WDR70: variants seen among roughly 807,000 people sequenced by gnomAD.
WDR70 encodes the protein WD repeat domain 70.
In WDR70, 53 loss-of-function variants were observed where a neutral mutation model predicts 88.6. The observed-to-expected ratio is 0.60, with a 90% confidence interval of 0.48 to 0.75. The LOEUF is 0.75. WDR70 is among the 30% of genes least tolerant of loss of function. WDR70 has a pLI of 0.00. For synonymous variants in WDR70, 280 were observed against 270.0 expected, an observed-to-expected ratio of 1.04 and a Z score of -0.36; for missense variants, 610 against 823.2, an observed-to-expected ratio of 0.74 and a Z score of 3.17.
chr5:37,524,443 C>T (rs1741194406), intron 9 of WDR70, among the ~76,000 whole-genome samples: 1 of 152,140 alleles, frequency 6.6e-6, no homozygotes, highest in Admixed American at 6.5e-5. Context: ...GAGATTTTGT[C>T]ACCACCAGGC....
intron 10 of WDR70, among the ~76,000 whole-genome samples, chr5:37,634,882 G>C (rs1744914427): frequency 6.6e-6 from 1 of 152,160 alleles, no homozygotes; most frequent in Non-Finnish European, 1.5e-5. Context: ...TGGATGTGTT[G>C]AGTCACAAAA....
intron 7 of WDR70, among the ~76,000 whole-genome samples, chr5:37,469,815 A>T (rs1366727537): frequency 1.3e-5 from 2 of 152,162 alleles, no homozygotes; most frequent in African/African-American, 4.8e-5. Flanking sequence ...CTAAGTAAAT[A>T]AATAGCCCCT....
chr5:37,431,016 G>A (rs1046437873), intron 5 of WDR70, among the ~76,000 whole-genome samples: 2 of 151,994 alleles, frequency 1.3e-5, no homozygotes, highest in African/African-American at 4.8e-5. Flanking sequence ...ACCATGTCTG[G>A]CTAATTTTTG....
intron 4 of WDR70, among the ~76,000 whole-genome samples, chr5:37,395,185 G>A (rs531030083): frequency 6.6e-6 from 1 of 152,288 alleles, no homozygotes; most frequent in East Asian, 1.9e-4. Flanking sequence ...TCTGGCGGCA[G>A]GTGGAGGGGT....
chr5:37,593,873 G>T (rs186778112), intron 9 of WDR70, among the ~76,000 whole-genome samples: 73 of 152,200 alleles, frequency 4.8e-4, no homozygotes, highest in Non-Finnish European at 9.0e-4. Flanking sequence ...CTCATTGTGG[G>T]TTTGATTTGC....
In WDR70 at chr5:37,509,017, C is replaced by A. The variant is rs546913362; in HGVS notation, c.841-7497C>A. Among the ~76,000 whole-genome samples the A allele has an allele frequency of 5.9e-5, 9 of 152,192 alleles. 1 individual carries two copies. The South Asian group carries it at 1.9e-3, about 32-fold the overall frequency. The stretch of plus-strand genomic sequence containing the variant: ...TCCTTTAAGTTACCAAATTTATGTG[C>A]ATAAGATTATTATAATAGTAATATT... On this transcript the variant is annotated intron_variant, in intron 8 of 17. Coordinates refer to ENST00000265107, the MANE Select transcript of WDR70 (RefSeq NM_018034.4).
At chr5:37,584,098 A>C (rs1363968171) in intron 9 of WDR70, among the ~76,000 whole-genome samples, 2 of 152,210 alleles carry the variant, frequency 1.3e-5, no homozygotes, top group Admixed American at 1.3e-4. Context: ...ATTATTACTT[A>C]ATCCTTTTAT....
intron 7 of WDR70, among the ~76,000 whole-genome samples, chr5:37,471,825 C>T (rs998842653): frequency 9.2e-5 from 14 of 151,858 alleles, no homozygotes; most frequent in African/African-American, 3.4e-4. Flanking sequence ...TTTACAATGT[C>T]AAATTGACTC....
chr5:37,673,585 C>A (rs1180218702), intron 10 of WDR70, among the ~76,000 whole-genome samples: 1 of 93,826 alleles, frequency 1.1e-5, no homozygotes, highest in Admixed American at 1.4e-4. Flanking sequence ...CTTTTCTTAC[C>A]CCCCCCCCAC....
chr5:37,441,607 CAGG>C (rs1014314327), intron 6 of WDR70, among the ~76,000 whole-genome samples: 14 of 152,118 alleles, frequency 9.2e-5, no homozygotes, highest in African/African-American at 3.1e-4. Flanking sequence ...CACCTGAGAT[CAGG>C]AGTTTGAGAC....
chr5:37,692,841 A>G (rs1176740079), intron 10 of WDR70, among the ~76,000 whole-genome samples: 1 of 152,174 alleles, frequency 6.6e-6, no homozygotes, highest in African/African-American at 2.4e-5. Flanking sequence ...CCCCTATTCA[A>G]TATAGTATTG....
chr5:37,410,297 C>T (rs1369959616), intron 5 of WDR70, among the ~76,000 whole-genome samples: 1 of 151,516 alleles, frequency 6.6e-6, no homozygotes, highest in Non-Finnish European at 1.5e-5. Context: ...CCATGGCCTC[C>T]CAAAGTGCTG....
At chr5:37,567,126 G>A (rs930933321) in intron 9 of WDR70, among the ~76,000 whole-genome samples, 5 of 152,138 alleles carry the variant, frequency 3.3e-5, no homozygotes, top group Admixed American at 2.6e-4. Flanking sequence ...ATAAATGAGT[G>A]CTGAAACAGT....
At chr5:37,533,425 C>G (rs868333317) in intron 9 of WDR70, among the ~76,000 whole-genome samples, 1 of 151,868 alleles carries the variant, frequency 6.6e-6, no homozygotes, top group African/African-American at 2.4e-5. Context: ...ATCCCTGTCT[C>G]TACTTAAAAC....
At chr5:37,392,315 C>T (rs1422929284) in intron 4 of WDR70, among the ~76,000 whole-genome samples, 195 bp downstream of exon 4, 3 of 151,888 alleles carry the variant, frequency 2.0e-5, no homozygotes, top group Non-Finnish European at 4.4e-5. Flanking sequence ...TCCCAAGTAG[C>T]TGGCATTACA....
chr5:37,533,878 C>T (rs556733236), intron 9 of WDR70, among the ~76,000 whole-genome samples: 35 of 152,280 alleles, frequency 2.3e-4, no homozygotes, highest in Middle Eastern at 3.4e-3. Context: ...TCACCTGCAT[C>T]GAGTCTATTT....
intron 9 of WDR70, among the ~76,000 whole-genome samples, chr5:37,520,528 T>C (rs574382735): frequency 6.6e-6 from 1 of 152,268 alleles, no homozygotes; most frequent in Admixed American, 6.5e-5. Context: ...TTTAAAGTTA[T>C]GTTTCTTATT....
intron 13 of WDR70, among the ~76,000 whole-genome samples, chr5:37,708,655 C>T (rs1246817588): frequency 6.6e-6 from 1 of 152,076 alleles, no homozygotes; most frequent in Non-Finnish European, 1.5e-5. Context: ...CTTTATGAAC[C>T]TAGCTATTTA....
chr5:37,603,139 A>G, intron 9 of WDR70, among the ~76,000 whole-genome samples: 1 of 141,596 alleles, frequency 7.1e-6, no homozygotes, highest in African/African-American at 2.5e-5. Context: ...TAGAAATAGA[A>G]AAAAAAAAAC....
Sources: gnomAD v4.1 joint callset for allele counts (sites outside exome capture counted in the v4.1 genomes callset) on GRCh38, gnomAD v4.1.1 for gene constraint, MANE v1.5 for transcripts, NCBI Gene and HGNC (gene_info 2026-07-23, HGNC 2026-07-21) for gene names.